The following RPRD2 variants were observed in gnomAD, a reference collection of about 807,000 sequenced individuals.
RPRD2 encodes the protein regulation of nuclear pre-mRNA domain containing 2.
Under a neutral mutation model 104.4 loss-of-function variants are expected in RPRD2, and 12 were observed. That is an observed-to-expected ratio of 0.11 (90% confidence interval 0.07 to 0.19). RPRD2 has a LOEUF of 0.19. RPRD2 is among the 10% of genes least tolerant of loss of function. RPRD2 has a pLI of 1.00. For missense variants in RPRD2, 1,543 were observed against 1,790.1 expected (o/e 0.86, Z 2.49); for synonymous variants, 714 against 684.9 (o/e 1.04, Z -0.66).
intron 4 of RPRD2, 117 bp downstream of exon 4, chr1:150,442,075 C>A: frequency 1.6e-6 from 1 of 617,116 alleles, no homozygotes; most frequent in Non-Finnish European, 2.7e-6. Flanking sequence ...TTTTCCAGGT[C>A]TGGGAGGCTC....
intron 1 of RPRD2, among the ~76,000 whole-genome samples, chr1:150,381,531 G>GTTTTTTTTT (rs1661128992): frequency 6.7e-6 from 1 of 150,122 alleles, no homozygotes. Flanking sequence ...TTGAGACAGG[G>GTTTTTTTTT]TCTTGCTCTA....
At chr1:150,411,393 G>A (rs1195090994) in intron 1 of RPRD2, among the ~76,000 whole-genome samples, 25 of 145,182 alleles carry the variant, frequency 1.7e-4, no homozygotes, top group Non-Finnish European at 3.3e-4. Context: ...CCTGGGAGGC[G>A]GAGGTTGCAG....
chr1:150,440,769 T>G (rs1204590119), intron 2 of RPRD2, among the ~76,000 whole-genome samples, 154 bp from the exon 3 acceptor site: 1 of 152,246 alleles, frequency 6.6e-6, no homozygotes, highest in Admixed American at 6.5e-5. Context: ...AGTTTAAGAT[T>G]TCTTTAGTCC....
intron 10 of RPRD2, among the ~76,000 whole-genome samples, chr1:150,467,203 G>A (rs1202655761): frequency 6.6e-6 from 1 of 152,120 alleles, no homozygotes; most frequent in Admixed American, 6.6e-5. Flanking sequence ...GTCTGGAGGT[G>A]CAGAAGAATT....
At chr1:150,365,861 G>T (rs1659805688) in intron 1 of RPRD2, among the ~76,000 whole-genome samples, 1 of 152,154 alleles carries the variant, frequency 6.6e-6, no homozygotes, top group African/African-American at 2.4e-5. Context: ...AAAGTGCAGG[G>T]ATTACAGACG....
intron 7 of RPRD2, among the ~76,000 whole-genome samples, chr1:150,450,605 C>CAAA (rs1186175962): frequency 7.9e-5 from 4 of 50,560 alleles, no homozygotes; most frequent in African/African-American, 8.3e-5. Context: ...GACTCCGTCT[C>CAAA]AAAAAAAAAA....
chr1:150,457,624 C>A, intron 8 of RPRD2, 54 bp downstream of exon 8: 1 of 1,465,256 alleles, frequency 6.8e-7, no homozygotes, highest in Non-Finnish European at 9.5e-7. Flanking sequence ...TTTGCCTTCT[C>A]AGCAATGAAT....
At position 150,471,680 on chromosome 1, in the gene RPRD2, G is replaced by A; in HGVS notation, c.2732G>A (p.Gly911Glu). The A allele has an allele frequency of 1.2e-6, 2 of 1,613,722 alleles. No homozygotes were observed. Among genetic ancestry groups the A allele is most frequent in the Non-Finnish European group, 8.5e-7 (1 of 1,179,854 alleles). ...ENCDRLSSSPGLFGAFSVRGN... is the reference protein window; with the variant it reads ...ENCDRLSSSPELFGAFSVRGN... ...TGTGACCGTCTCTCATCTTCCCCTG[G>A]GCTATTTGGTGCCTTCAGCGTAAGA... Residue 911 changes from glycine to glutamate, a missense_variant, in exon 11 of 11, where the codon GGG (glycine) becomes GAG (glutamate). Physicochemically the swap from Gly to Glu is moderately conservative, Grantham distance 98. Around this residue, in one of 4 missense-constraint regions of RPRD2, gnomAD observed 880 missense variants for 885.6 expected, o/e 0.99. Coordinates refer to ENST00000369068, the MANE Select transcript of RPRD2 (RefSeq NM_015203.5). The surrounding 1 kb of genome is among the most constrained non-coding windows in gnomAD (Gnocchi z 5.3).
chr1:150,398,220 G>A (rs868949901), intron 1 of RPRD2, among the ~76,000 whole-genome samples: 12 of 59,526 alleles, frequency 2.0e-4, no homozygotes, highest in Admixed American at 1.4e-4. Context: ...TTTTTGAGAC[G>A]GAGTCTCGCT....
chr1:150,465,244 A>G (rs1242708113), intron 10 of RPRD2, among the ~76,000 whole-genome samples: 6 of 151,796 alleles, frequency 4.0e-5, no homozygotes, highest in South Asian at 2.1e-4. Context: ...CAGCCTCCCA[A>G]GTAGCTAGGA....
At chr1:150,435,044 T>G (rs1665904241) in intron 2 of RPRD2, among the ~76,000 whole-genome samples, 1 of 152,222 alleles carries the variant, frequency 6.6e-6, no homozygotes, top group Non-Finnish European at 1.5e-5. Flanking sequence ...CTCATTCATG[T>G]CTCTGTGTCA....
At chr1:150,446,067 C>CAAAAAA (rs5777728) in intron 6 of RPRD2, among the ~76,000 whole-genome samples, 159 bp from the exon 7 acceptor site, 1 of 93,372 alleles carries the variant, frequency 1.1e-5, no homozygotes, top group Non-Finnish European at 2.3e-5. Flanking sequence ...GACTCCGTCT[C>CAAAAAA]AAAAAAAAAA....
intron 2 of RPRD2, among the ~76,000 whole-genome samples, chr1:150,434,204 A>G (rs1271057723): frequency 6.6e-6 from 1 of 151,910 alleles, no homozygotes; most frequent in African/African-American, 2.4e-5. Flanking sequence ...AAAATACAAA[A>G]ATTAGCTGGG....
intron 1 of RPRD2, among the ~76,000 whole-genome samples, chr1:150,403,614 GATAAT>G (rs1663234932): frequency 6.6e-6 from 1 of 151,980 alleles, no homozygotes; most frequent in African/African-American, 2.4e-5. Context: ...CTTATGGGTG[GATAAT>G]ATTCCATTGT....
At chr1:150,425,177 T>C (rs994931705) in intron 2 of RPRD2, among the ~76,000 whole-genome samples, 1 of 152,176 alleles carries the variant, frequency 6.6e-6, no homozygotes. Context: ...GTTAATAATA[T>C]ATATAAAGGG....
chr1:150,433,788 A>C (rs1665788322), intron 2 of RPRD2, among the ~76,000 whole-genome samples: 1 of 91,240 alleles, frequency 1.1e-5, no homozygotes, highest in Admixed American at 9.0e-5. Context: ...TACACTGGGA[A>C]GTTAGCAATA....
At chr1:150,401,912 G>C (rs1429174187) in intron 1 of RPRD2, among the ~76,000 whole-genome samples, 1 of 151,248 alleles carries the variant, frequency 6.6e-6, no homozygotes, top group Non-Finnish European at 1.5e-5. Context: ...CAAAGTGCTG[G>C]GATTACAGGC....
intron 1 of RPRD2, among the ~76,000 whole-genome samples, chr1:150,399,154 T>G (rs1332570737): frequency 1.3e-5 from 2 of 151,916 alleles, no homozygotes; most frequent in East Asian, 1.9e-4. Flanking sequence ...GACGCAAGCC[T>G]CCTCACCTCG....
Position 150,475,515 on chromosome 1 carries a change from A to C in RPRD2, c.*2181A>C, listed in dbSNP as rs1668849375. The C allele has an allele frequency of 6.6e-6, 1 of 152,626 alleles. No individual in the cohort carries two copies. Among genetic ancestry groups the C allele is most frequent in the Admixed American group, 6.5e-5 (1 of 15,280 alleles). The allele number at this position is 152,626 out of a possible 1,614,324, so 9.5% of individuals were successfully genotyped here. ...AAAAGTATGATGGTTAATACATGAA[A>C]GGAAGACTTTGTTGGACAGTTTCGA... On this transcript the variant is annotated 3_prime_UTR_variant, in exon 11 of 11. Coordinates refer to ENST00000369068, the MANE Select transcript of RPRD2 (RefSeq NM_015203.5).
Sources: allele counts gnomAD v4.1 joint callset (sites outside exome capture counted in the v4.1 genomes callset), GRCh38; gene constraint gnomAD v4.1.1; regional missense constraint gnomAD v4.1.1; non-coding constraint Gnocchi (gnomAD v3.1); transcripts MANE v1.5; gene names NCBI Gene and HGNC (gene_info 2026-07-23, HGNC 2026-07-21).